SH3RF3: variants seen among roughly 807,000 people sequenced by gnomAD.
SH3RF3 encodes the protein SH3 domain containing ring finger 3.
SH3RF3 carries 29 observed loss-of-function variants against 66.3 expected under a neutral mutation model. That is an observed-to-expected ratio of 0.44 (90% CI 0.33 to 0.60). SH3RF3 has a LOEUF of 0.60. Among genes scored for constraint, SH3RF3 ranks in the 20% least tolerant of loss-of-function variants. The pLI is 0.04. For missense variants in SH3RF3, 1,194 were observed against 1,190.9 expected (o/e 1.00, Z -0.04); for synonymous variants, 583 against 532.0 (o/e 1.10, Z -1.32).
At position 109,191,555 on chromosome 2, in the gene SH3RF3, C is replaced by T. The variant is rs188588966; in HGVS notation, c.573+61442C>T. On this transcript the variant is annotated intron_variant, in intron 1 of 9. Coordinates refer to ENST00000309415, the MANE Select transcript of SH3RF3 (RefSeq NM_001099289.3). ...CTCCTGAGAGTCTGCTCAGGCTTGA[C>T]GCTGCCTCCCACATTATGTGACTTG... Among the ~76,000 whole-genome samples the T allele has an allele frequency of 2.3e-3, 350 of 152,310 alleles. 1 individual carries two copies. The highest frequency in any genetic ancestry group is 8.1e-3 in the African/African-American group (336 of 41,570).
At chr2:109,199,842 T>C (rs867242806) in intron 1 of SH3RF3, among the ~76,000 whole-genome samples, 2 of 53,618 alleles carry the variant, frequency 3.7e-5, no homozygotes, top group African/African-American at 5.2e-5. Flanking sequence ...TGGAATGGAA[T>C]GGAATGGAAA....
intron 5 of SH3RF3, 26 bp downstream of exon 5, chr2:109,419,668 G>T: frequency 6.5e-7 from 1 of 1,549,744 alleles, no homozygotes. Flanking sequence ...TGTCTGTCGG[G>T]GTCCTGTGCC....
At chr2:109,396,486 C>T (rs542715355) in intron 3 of SH3RF3, among the ~76,000 whole-genome samples, 203 of 152,342 alleles carry the variant, frequency 1.3e-3, no homozygotes, top group Non-Finnish European at 2.3e-3. Flanking sequence ...GTGATCTGCT[C>T]GGCCTGCACG....
Position 109,490,673 on chromosome 2 carries a change from G to A in SH3RF3, c.2217G>A (p.Pro739=), listed in dbSNP as rs925561041. 55 of 1,519,088 alleles carry A rather than the reference G, an allele frequency of 3.6e-5. No individual in the cohort carries two copies. The Admixed American group carries it at 7.2e-4, about 20-fold the overall frequency. 94.1% of individuals were successfully genotyped at this position (1,519,088 alleles called of 1,614,324 possible). A position where few individuals can be genotyped will look rare whatever the true frequency, so the allele number is the denominator to read the frequency against. ...GASTKKKSRS[P]PSVSPTHDPQ... is the part of the protein sequence containing the mutation. ...CCACCAAGAAGAAGTCACGCTCCCC[G>A]CCATCTGTGTCTCCAACCCACGACC... is the stretch of plus-strand genomic sequence containing the variant. Residue 739 remains proline, a synonymous_variant, in exon 9 of 10, where the codon CCG becomes CCA. Transcript: ENST00000309415.
intron 8 of SH3RF3, among the ~76,000 whole-genome samples, chr2:109,487,013 A>G (rs532967730): frequency 6.6e-6 from 1 of 152,274 alleles, no homozygotes; most frequent in Admixed American, 6.5e-5. Context: ...TCCCCCCAAC[A>G]GAGAGGAGTG....
At chr2:109,284,289 A>G (rs1328429197) in intron 1 of SH3RF3, among the ~76,000 whole-genome samples, 1 of 152,210 alleles carries the variant, frequency 6.6e-6, no homozygotes, top group African/African-American at 2.4e-5. Flanking sequence ...CTGTATTAGT[A>G]GCCATGAGTA....
At chr2:109,238,750 A>G (rs982743428) in intron 1 of SH3RF3, among the ~76,000 whole-genome samples, 6 of 152,148 alleles carry the variant, frequency 3.9e-5, no homozygotes, top group African/African-American at 9.7e-5. Context: ...CAGCTGCTAC[A>G]TGCTTGCATC....
intron 1 of SH3RF3, among the ~76,000 whole-genome samples, chr2:109,256,266 T>C (rs72937592): frequency 0.02 from 3,025 of 152,294 alleles, 111 homozygotes; most frequent in African/African-American, 0.068. Context: ...ATTGTTTCAC[T>C]TGGGCCTGGT....
At chr2:109,241,347 G>C (rs1381286607) in intron 1 of SH3RF3, among the ~76,000 whole-genome samples, 1 of 152,178 alleles carries the variant, frequency 6.6e-6, no homozygotes, top group Non-Finnish European at 1.5e-5. Context: ...TGGAAAAAAA[G>C]TATACAAAAT....
At chr2:109,222,943 C>G (rs777689867) in intron 1 of SH3RF3, among the ~76,000 whole-genome samples, 36 of 152,232 alleles carry the variant, frequency 2.4e-4, no homozygotes, top group Non-Finnish European at 4.6e-4. Context: ...CTGCCCCTGC[C>G]TGGGGCTACG....
chr2:109,173,512 G>C (rs1574487166), intron 1 of SH3RF3, among the ~76,000 whole-genome samples: 1 of 152,188 alleles, frequency 6.6e-6, no homozygotes, highest in Non-Finnish European at 1.5e-5. Flanking sequence ...CACACTGCCT[G>C]CAGGCTATGT....
intron 1 of SH3RF3, among the ~76,000 whole-genome samples, chr2:109,139,714 C>T (rs1676895798): frequency 1.3e-5 from 2 of 152,168 alleles, no homozygotes; most frequent in South Asian, 4.1e-4. Flanking sequence ...TATATCAGAT[C>T]CTGTGGTTGA....
At chr2:109,443,978 T>G (rs1290021002) in intron 7 of SH3RF3, among the ~76,000 whole-genome samples, 3 of 152,208 alleles carry the variant, frequency 2.0e-5, no homozygotes, top group Non-Finnish European at 4.4e-5. Context: ...CTGAGATAGA[T>G]TATGTACTGG....
intron 8 of SH3RF3, among the ~76,000 whole-genome samples, chr2:109,483,938 C>T (rs958541513): frequency 2.0e-4 from 31 of 152,180 alleles, no homozygotes; most frequent in Admixed American, 4.6e-4. Flanking sequence ...TTCAAGCCCC[C>T]CACAACCCCC....
chr2:109,203,295 G>T (rs1423488661), intron 1 of SH3RF3, among the ~76,000 whole-genome samples: 5 of 152,218 alleles, frequency 3.3e-5, no homozygotes, highest in Admixed American at 3.3e-4. Flanking sequence ...GCTACAGGTG[G>T]CTCTCTCAGG....
intron 5 of SH3RF3, among the ~76,000 whole-genome samples, chr2:109,423,581 C>G (rs1676939996): frequency 6.6e-6 from 1 of 152,152 alleles, no homozygotes; most frequent in African/African-American, 2.4e-5. Context: ...AGCGTGAGTT[C>G]AAGACAATAA....
rs560997917 is a variant in SH3RF3 at position 109,143,323 on chromosome 2, A to G, written c.573+13210A>G. Among the ~76,000 whole-genome samples, 7 of 152,330 alleles carry G rather than the reference A, an allele frequency of 4.6e-5. No individual in the cohort carries two copies. The South Asian group carries it at 1.4e-3, about 32-fold the overall frequency. ...TGGAGGACCATAGTTTGGATAAAAA[A>G]TGCCTTAAGTTGAAGTGAAATCAGA... On this transcript the variant is annotated intron_variant, in intron 1 of 9. Coordinates refer to ENST00000309415, the MANE Select transcript of SH3RF3 (RefSeq NM_001099289.3).
intron 1 of SH3RF3, among the ~76,000 whole-genome samples, chr2:109,261,412 A>C (rs1200403277): frequency 3.3e-5 from 5 of 152,210 alleles, no homozygotes; most frequent in Admixed American, 6.5e-5. Context: ...GAGCAGTAAA[A>C]TGTGCAGTCT....
rs188295964 is a variant in SH3RF3 at position 109,147,658 on chromosome 2, A to G, written c.573+17545A>G. Among the ~76,000 whole-genome samples the G allele has an allele frequency of 9.3e-4, 141 of 152,260 alleles. No individual in the cohort carries two copies. In the Middle Eastern group the frequency reaches 0.014, roughly 15 times the overall value. On this transcript the variant is annotated intron_variant, in intron 1 of 9. Coordinates refer to ENST00000309415, the MANE Select transcript of SH3RF3 (RefSeq NM_001099289.3). ...TCTCTTGAAAATGATTTATTTGTCA[A>G]TTGCCCATGAAGTGACCTTTCTTGT...
Sources: gnomAD v4.1 joint callset for allele counts (sites outside exome capture counted in the v4.1 genomes callset) on GRCh38, gnomAD v4.1.1 for gene constraint, MANE v1.5 for transcripts, NCBI Gene and HGNC (gene_info 2026-07-23, HGNC 2026-07-21) for gene names.